Variants in GULP1 observed in about 807,000 individuals in gnomAD.
The protein encoded by GULP1 is PTB domain-containing engulfment adapter protein 1.
GULP1 carries 19 observed loss-of-function variants against 40.9 expected under a neutral mutation model. That is an observed-to-expected ratio of 0.46 (90% confidence interval 0.32 to 0.68). The LOEUF (loss-of-function observed/expected upper bound fraction) is 0.68. GULP1 is among the 30% of genes least tolerant of loss of function. GULP1 has a pLI of 0.03. For missense variants in GULP1, 312 were observed against 362.2 expected (o/e 0.86, Z 1.12); for synonymous variants, 119 against 117.6 (o/e 1.01, Z -0.08).
chr2:188,320,126 G>A (rs2106567584), intron 1 of GULP1, among the ~76,000 whole-genome samples: 1 of 152,172 alleles, frequency 6.6e-6, no homozygotes, highest in African/African-American at 2.4e-5. Flanking sequence ...TTCCTAGTTG[G>A]TGCCAAATGT....
intron 9 of GULP1, among the ~76,000 whole-genome samples, chr2:188,579,375 TATTA>T (rs1171465545): frequency 6.6e-6 from 1 of 151,906 alleles, no homozygotes; most frequent in African/African-American, 2.4e-5. Flanking sequence ...TATTTTTATA[TATTA>T]ATTTATTTTT....
chr2:188,465,872 C>G (rs1054767164), intron 2 of GULP1, among the ~76,000 whole-genome samples: 8 of 152,026 alleles, frequency 5.3e-5, no homozygotes, highest in African/African-American at 1.9e-4. Flanking sequence ...AGATTCAAGA[C>G]TGTTTTTCCA....
intron 4 of GULP1, among the ~76,000 whole-genome samples, chr2:188,494,506 A>G (rs13005128): frequency 0.66 from 100,031 of 151,824 alleles, 33,721 homozygotes; most frequent in East Asian, 0.91. Context: ...CTCAATGTCT[A>G]TATTTATCTG....
intron 7 of GULP1, among the ~76,000 whole-genome samples, chr2:188,555,111 T>C (rs1350198773): frequency 6.6e-6 from 1 of 152,168 alleles, no homozygotes; most frequent in African/African-American, 2.4e-5. Context: ...ACTATATATT[T>C]ATGTAGAAAA....
At chr2:188,518,576 T>A (rs1240073792) in intron 4 of GULP1, among the ~76,000 whole-genome samples, 4 of 152,128 alleles carry the variant, frequency 2.6e-5, no homozygotes, top group Non-Finnish European at 5.9e-5. Context: ...TGACTTTGAC[T>A]TCATTGCCCA....
At chr2:188,529,066 T>C in intron 5 of GULP1, 31 bp from the exon 6 acceptor site, 2 of 919,854 alleles carry the variant, frequency 2.2e-6, no homozygotes, top group South Asian at 2.9e-5. Context: ...GAAATAGAAG[T>C]GTAGCTTTGT....
intron 7 of GULP1, among the ~76,000 whole-genome samples, chr2:188,561,643 T>C (rs553875496): frequency 1.6e-4 from 24 of 152,058 alleles, no homozygotes; most frequent in South Asian, 4.1e-4. Context: ...TCACTAGCTG[T>C]AGTGGGCAGG....
At chr2:188,320,986 A>G (rs1437212379) in intron 1 of GULP1, among the ~76,000 whole-genome samples, 1 of 151,858 alleles carries the variant, frequency 6.6e-6, no homozygotes. Flanking sequence ...CTACTTCAAA[A>G]AAACAGTTTC....
intron 2 of GULP1, among the ~76,000 whole-genome samples, chr2:188,407,523 T>G (rs2053283747): frequency 6.6e-6 from 1 of 152,192 alleles, no homozygotes; most frequent in African/African-American, 2.4e-5. Flanking sequence ...AGTGATATGG[T>G]AAAAGTGTAG....
chr2:188,487,585 C>A (rs1575557037), intron 4 of GULP1, among the ~76,000 whole-genome samples: 1 of 151,478 alleles, frequency 6.6e-6, no homozygotes, highest in Admixed American at 6.6e-5. Context: ...TAACCAACAT[C>A]ATGTCGTTAT....
At chr2:188,356,203 G>A (rs1419029372) in intron 1 of GULP1, among the ~76,000 whole-genome samples, 1 of 152,046 alleles carries the variant, frequency 6.6e-6, no homozygotes, top group Non-Finnish European at 1.5e-5. Flanking sequence ...TTAGGCAAGA[G>A]AAAGAGAAAA....
intron 7 of GULP1, among the ~76,000 whole-genome samples, chr2:188,553,622 G>A (rs1407841091): frequency 6.6e-6 from 1 of 151,776 alleles, no homozygotes; most frequent in East Asian, 1.9e-4. Flanking sequence ...TTTTGTTTTT[G>A]TTGTTGTTGT....
Position 188,355,729 on chromosome 2 carries a change from A to G in GULP1, c.-171-28034A>G, listed in dbSNP as rs951851822. On this transcript the variant is annotated intron_variant, in intron 1 of 11. Transcript: ENST00000409830. Reference sequence around the variant, plus strand: ...CAAAGATCCAACAAAAAAGAAAACTATAGGCCAATATCCCTGATATTGAAC... The same window carrying G: ...CAAAGATCCAACAAAAAAGAAAACTGTAGGCCAATATCCCTGATATTGAAC... Among the ~76,000 whole-genome samples, 10 of 152,052 alleles carry G rather than the reference A, an allele frequency of 6.6e-5. 1 individual carries two copies. The highest frequency in any genetic ancestry group is 1.0e-4 in the Non-Finnish European group (7 of 67,932).
At chr2:188,491,943 A>T (rs1229324256) in intron 4 of GULP1, among the ~76,000 whole-genome samples, 1 of 152,020 alleles carries the variant, frequency 6.6e-6, no homozygotes, top group African/African-American at 2.4e-5. Context: ...GTTTCCAGAA[A>T]AGTGTGTATC....
At chr2:188,560,069 G>A (rs763130917) in intron 7 of GULP1, among the ~76,000 whole-genome samples, 8 of 152,220 alleles carry the variant, frequency 5.3e-5, no homozygotes, top group Admixed American at 1.3e-4. Flanking sequence ...TATCAGCAGC[G>A]TGAAAGTGGA....
chr2:188,519,836 G>A (rs775368056), intron 4 of GULP1, among the ~76,000 whole-genome samples: 5 of 151,946 alleles, frequency 3.3e-5, no homozygotes, highest in African/African-American at 7.3e-5. Flanking sequence ...TTGAGACAGG[G>A]CCTCACTGTG....
intron 4 of GULP1, among the ~76,000 whole-genome samples, chr2:188,514,062 TGTGTGTGTGTGTGTGTGTGTGC>T (rs933590640): frequency 2.0e-5 from 3 of 150,608 alleles, no homozygotes; most frequent in African/African-American, 7.3e-5. Flanking sequence ...TGTGTGTGTG[TGTGTGTGTGTGTGTGTGTGTGC>T]GCCCTGCCAC....
At chr2:188,576,210 T>A (rs1700148730) in intron 9 of GULP1, among the ~76,000 whole-genome samples, 1 of 152,184 alleles carries the variant, frequency 6.6e-6, no homozygotes, top group South Asian at 2.1e-4. Context: ...AAATCTGGAA[T>A]TCATAGAGAA....
chr2:188,446,494 G>T (rs1222349913), intron 2 of GULP1, among the ~76,000 whole-genome samples: 1 of 152,148 alleles, frequency 6.6e-6, no homozygotes, highest in Non-Finnish European at 1.5e-5. Flanking sequence ...GCATAAAATT[G>T]TTCATAGGGC....
Sources: gnomAD v4.1 joint callset for allele counts (sites outside exome capture counted in the v4.1 genomes callset) on GRCh38, gnomAD v4.1.1 for gene constraint, MANE v1.5 for transcripts, NCBI Gene and HGNC (gene_info 2026-07-23, HGNC 2026-07-21) for gene names.